Variants in ST7 observed in about 807,000 individuals in gnomAD.
ST7 encodes the protein suppressor of tumorigenicity 7 protein.
A neutral mutation model predicts 78.7 loss-of-function variants in ST7; 28 were observed. The observed-to-expected ratio is 0.36, with a 90% CI of 0.26 to 0.49. The LOEUF (loss-of-function observed/expected upper bound fraction) is 0.49. Among genes scored for constraint, ST7 ranks in the 20% least tolerant of loss-of-function variants. The pLI is 0.99. For missense variants in ST7, 418 were observed against 696.0 expected (o/e 0.60, Z 4.49); for synonymous variants, 247 against 249.6 (o/e 0.99, Z 0.10).
chr7:117,138,628 C>T, intron 9 of ST7, 96 bp downstream of exon 9: 1 of 877,814 alleles, frequency 1.1e-6, no homozygotes, highest in South Asian at 1.6e-5. Flanking sequence ...GTGGTGGTCC[C>T]ATGGGTTCTG....
intron 2 of ST7, among the ~76,000 whole-genome samples, chr7:117,102,070 A>G (rs1389217333): frequency 6.6e-6 from 1 of 152,230 alleles, no homozygotes; most frequent in Non-Finnish European, 1.5e-5. Flanking sequence ...TGGCTCCATA[A>G]AGCTATAAAG....
chr7:117,157,880 G>A (rs777779557), intron 9 of ST7, among the ~76,000 whole-genome samples: 1 of 152,136 alleles, frequency 6.6e-6, no homozygotes, highest in Non-Finnish European at 1.5e-5. Flanking sequence ...TCCGGGCTAG[G>A]ACACAGCCCT....
chr7:117,155,810 G>A (rs370705812), intron 9 of ST7, among the ~76,000 whole-genome samples: 242 of 152,264 alleles, frequency 1.6e-3, no homozygotes, highest in Non-Finnish European at 2.8e-3. Flanking sequence ...CTCTAAAAGT[G>A]GCCTACAAGG....
chr7:117,194,241 G>A (rs1294389926), intron 12 of ST7, among the ~76,000 whole-genome samples: 1 of 152,172 alleles, frequency 6.6e-6, no homozygotes, highest in African/African-American at 2.4e-5. Flanking sequence ...TGTGCCGCCA[G>A]CTCCCATAGG....
chr7:117,060,835 G>A (rs1219674392), intron 1 of ST7, among the ~76,000 whole-genome samples: 1 of 152,038 alleles, frequency 6.6e-6, no homozygotes, highest in Non-Finnish European at 1.5e-5. Context: ...GTGAAACTTG[G>A]TCTCTACTAA....
Position 116,975,717 on chromosome 7 carries a change from T to C in ST7, c.151+22026T>C, listed in dbSNP as rs1793672272. On this transcript the variant is annotated intron_variant, in intron 1 of 15. Transcript: ENST00000323984. The stretch of plus-strand genomic sequence containing the variant: ...ACCACCATGCCCAGCCTTTTTTTTT[T>C]TTCTTTGAAATTTATATGGATTAGG... Among the ~76,000 whole-genome samples, 4 of 152,080 alleles carry C rather than the reference T, an allele frequency of 2.6e-5. 1 individual carries two copies. In the South Asian group the frequency reaches 8.3e-4, roughly 32 times the overall value.
intron 1 of ST7, among the ~76,000 whole-genome samples, chr7:117,013,441 T>C (rs537939910): frequency 8.7e-4 from 132 of 152,352 alleles, no homozygotes; most frequent in African/African-American, 3.0e-3. Context: ...CTTTTGACTG[T>C]AGCAGATTGG....
At chr7:117,065,204 CTTTTTTTT>C (rs11363365) in intron 1 of ST7, among the ~76,000 whole-genome samples, 1 of 91,824 alleles carries the variant, frequency 1.1e-5, no homozygotes, top group Non-Finnish European at 2.2e-5. Flanking sequence ...TGGTTCAAGT[CTTTTTTTT>C]TTTTTTTTTT....
intron 1 of ST7, among the ~76,000 whole-genome samples, chr7:116,987,661 G>T (rs1028093122): frequency 6.6e-6 from 1 of 152,150 alleles, no homozygotes; most frequent in Non-Finnish European, 1.5e-5. Flanking sequence ...ATTATCAGGG[G>T]CTTCTCTTGT....
intron 1 of ST7, among the ~76,000 whole-genome samples, chr7:117,061,022 A>G (rs1798322710): frequency 6.6e-6 from 1 of 152,148 alleles, no homozygotes; most frequent in Non-Finnish European, 1.5e-5. Context: ...AACAAAATAT[A>G]ATATTGCCTT....
intron 1 of ST7, chr7:117,020,490 C>G (rs1403388807): frequency 8.0e-7 from 1 of 1,256,904 alleles, no homozygotes; most frequent in Admixed American, 2.4e-5. Context: ...CTTCATGACC[C>G]CTGCTGTGTA....
At chr7:117,208,491 G>A (rs1791980357) in intron 12 of ST7, among the ~76,000 whole-genome samples, 2 of 152,150 alleles carry the variant, frequency 1.3e-5, no homozygotes, top group African/African-American at 4.8e-5. Context: ...CCCAGAGGGA[G>A]GAAGGTTTCA....
intron 2 of ST7, among the ~76,000 whole-genome samples, chr7:117,108,814 G>A (rs750238554): frequency 3.0e-4 from 45 of 152,134 alleles, no homozygotes; most frequent in Middle Eastern, 6.8e-3. Context: ...CACCTCCTTG[G>A]TTAAGTGTAT....
chr7:117,121,249 T>C (rs1048241923), intron 3 of ST7, among the ~76,000 whole-genome samples: 2 of 152,224 alleles, frequency 1.3e-5, no homozygotes, highest in African/African-American at 2.4e-5. Context: ...TTTATTATAC[T>C]AGCTGGATAA....
At position 117,119,687 on chromosome 7, in the gene ST7, G is replaced by A; in HGVS notation, c.361G>A (p.Gly121Arg). Residue 121 changes from glycine (G) to arginine (R), a missense_variant, in exon 3 of 16, where the codon GGG (glycine) becomes AGG (arginine). Coordinates refer to ENST00000323984, the MANE Select transcript of ST7 (RefSeq NM_001369598.1). ...TTCCAACAATTCTAATTCCAGTAACGGGGACTCAGATTCCAATAGGCAAAG... is the reference window on the plus strand; with the variant it reads ...TTCCAACAATTCTAATTCCAGTAACAGGGACTCAGATTCCAATAGGCAAAG... ...NSSNNSNSSN[G>R]DSDSNRQSVS... 3 of 1,613,288 alleles carry A rather than the reference G, an allele frequency of 1.9e-6. No homozygotes were observed. Among genetic ancestry groups the A allele is most frequent in the Non-Finnish European group, 2.5e-6 (3 of 1,179,876 alleles).
At chr7:117,029,061 A>G (rs1381909450) in intron 1 of ST7, among the ~76,000 whole-genome samples, 2 of 152,212 alleles carry the variant, frequency 1.3e-5, no homozygotes, top group African/African-American at 2.4e-5. Context: ...ATATATAGCT[A>G]TAAATATATA....
chr7:117,148,877 C>G (rs1584472696), intron 9 of ST7, among the ~76,000 whole-genome samples: 1 of 152,054 alleles, frequency 6.6e-6, no homozygotes, highest in Non-Finnish European at 1.5e-5. Context: ...CTTCTGTGAG[C>G]AGAAGCCAGT....
intron 1 of ST7, among the ~76,000 whole-genome samples, chr7:116,994,849 C>G (rs1408363190): frequency 2.6e-5 from 4 of 152,194 alleles, no homozygotes; most frequent in Non-Finnish European, 4.4e-5. Flanking sequence ...AAATGAATGA[C>G]TAGAGATTGC....
intron 15 of ST7, among the ~76,000 whole-genome samples, chr7:117,226,096 A>G (rs1428468324): frequency 6.6e-6 from 1 of 152,112 alleles, no homozygotes; most frequent in Non-Finnish European, 1.5e-5. Context: ...GTTCACTTAT[A>G]GTCCTCGACC....
Sources: gnomAD v4.1 joint callset for allele counts (sites outside exome capture counted in the v4.1 genomes callset) on GRCh38, gnomAD v4.1.1 for gene constraint, MANE v1.5 for transcripts, NCBI Gene and HGNC (gene_info 2026-07-23, HGNC 2026-07-21) for gene names.